The following PUS10 variants were observed in gnomAD, a reference collection of about 807,000 sequenced individuals.
The protein encoded by PUS10 is pseudouridine synthase 10.
In PUS10, 59 loss-of-function variants were observed where a neutral mutation model predicts 75.0. That is an observed-to-expected ratio of 0.79 (90% CI 0.64 to 0.98). The LOEUF (loss-of-function observed/expected upper bound fraction) is 0.98, where lower values mean the gene tolerates loss of function less well. PUS10 is among the 50% of genes least tolerant of loss of function. The pLI is 0.00. For missense variants in PUS10, 650 were observed against 614.4 expected (o/e 1.06, Z -0.61); for synonymous variants, 219 against 211.6 (o/e 1.03, Z -0.30).
intron 4 of PUS10, among the ~76,000 whole-genome samples, chr2:61,000,380 T>C (rs1284127781): frequency 6.6e-6 from 1 of 152,224 alleles, no homozygotes; most frequent in Non-Finnish European, 1.5e-5. Context: ...ATTCATTTTC[T>C]ATTGCTTCTA....
chr2:60,969,035 G>A (rs765148635), intron 5 of PUS10, among the ~76,000 whole-genome samples: 7 of 152,080 alleles, frequency 4.6e-5, no homozygotes, highest in Non-Finnish European at 7.4e-5. Context: ...AAGAATAAAC[G>A]TTGAAACAGA....
chr2:60,995,722 T>C (rs1465120765), intron 4 of PUS10, among the ~76,000 whole-genome samples: 2 of 152,226 alleles, frequency 1.3e-5, no homozygotes, highest in Non-Finnish European at 2.9e-5. Context: ...ATGTGTTTCA[T>C]CTTGTATTTT....
chr2:60,988,028 G>A (rs1384515472), intron 4 of PUS10, among the ~76,000 whole-genome samples: 1 of 152,034 alleles, frequency 6.6e-6, no homozygotes, highest in East Asian at 1.9e-4. Flanking sequence ...GGAGGAGGGT[G>A]CAGTGAGCTG....
At chr2:60,973,195 C>G (rs1023399776) in intron 4 of PUS10, among the ~76,000 whole-genome samples, 1 of 152,220 alleles carries the variant, frequency 6.6e-6, no homozygotes, top group Admixed American at 6.5e-5. Flanking sequence ...AAGGCACAGC[C>G]GGGACTCGTG....
intron 4 of PUS10, among the ~76,000 whole-genome samples, chr2:60,985,053 T>C (rs971149760): frequency 6.6e-5 from 10 of 152,182 alleles, no homozygotes; most frequent in Admixed American, 1.3e-4. Context: ...AAATTAAATG[T>C]AATACTTGTG....
intron 1 of PUS10, among the ~76,000 whole-genome samples, chr2:61,014,444 T>C (rs1048031648): frequency 1.3e-5 from 2 of 152,078 alleles, no homozygotes; most frequent in African/African-American, 4.8e-5. Flanking sequence ...ACAAAATATT[T>C]GAGAGCAACT....
At chr2:61,011,653 A>C in intron 2 of PUS10, 112 bp downstream of exon 2, 4 of 733,476 alleles carry the variant, frequency 5.5e-6, no homozygotes, top group Non-Finnish European at 5.9e-6. Flanking sequence ...TAGTTTTTTA[A>C]TTTAAAAAAG....
intron 4 of PUS10, among the ~76,000 whole-genome samples, chr2:60,975,414 C>G (rs1962449): frequency 0.42 from 64,446 of 151,742 alleles, 15,891 homozygotes; most frequent in African/African-American, 0.67. Context: ...CAAAGTGCTA[C>G]GATTATAGAC....
Position 61,018,253 on chromosome 2 carries a change from T to G in PUS10, c.-261A>C, listed in dbSNP as rs1680148355. 1 of 1,551,042 alleles carries G rather than the reference T, an allele frequency of 6.4e-7. No homozygotes were observed. Among genetic ancestry groups the G allele is most frequent in the Non-Finnish European group, 8.7e-7 (1 of 1,147,014 alleles). On this transcript the variant is annotated 5_prime_UTR_variant, in exon 1 of 18. Transcript: ENST00000316752. The stretch of plus-strand genomic sequence containing the variant: ...CACGGCATCGACAGGGAGCAAAGTC[T>G]CTCCTTAAAGGTGTTAACCTCTCGA...
At chr2:60,976,459 G>C (rs1230748958) in intron 4 of PUS10, among the ~76,000 whole-genome samples, 1 of 152,184 alleles carries the variant, frequency 6.6e-6, no homozygotes, top group African/African-American at 2.4e-5. Context: ...AGCAAACTCT[G>C]TTCTCTACAA....
chr2:60,954,116 T>G lies in PUS10; in HGVS notation c.1100A>C (p.His367Pro). 6.2e-7 allele frequency: 1 copy of G among 1,614,188 alleles called. No homozygotes were observed. Among genetic ancestry groups the G allele is most frequent in the Middle Eastern group, 1.6e-4 (1 of 6,062 alleles). Residue 367 changes from histidine to proline, a missense_variant, in exon 13 of 18, where the codon CAT becomes CCT. His to Pro is a moderately conservative substitution (Grantham distance 77). Coordinates refer to ENST00000316752, the MANE Select transcript of PUS10 (RefSeq NM_144709.4). ...AIELVNPHRV[H>P]FTSQEIKELQ... ...TTCCTTAATTTCTTGTGAAGTGAAATGTACTCTATGAGGATTCACCAGCTC... is the reference window on the plus strand; with the variant it reads ...TTCCTTAATTTCTTGTGAAGTGAAAGGTACTCTATGAGGATTCACCAGCTC...
chr2:60,971,578 C>T, intron 4 of PUS10, 21 bp from the exon 5 acceptor site: 1 of 1,611,318 alleles, frequency 6.2e-7, no homozygotes, highest in Non-Finnish European at 8.5e-7. Context: ...TTTAGTCACA[C>T]CCAGAAAGAG....
At chr2:60,963,246 T>C (rs1158185285) in intron 8 of PUS10, among the ~76,000 whole-genome samples, 5 of 152,206 alleles carry the variant, frequency 3.3e-5, no homozygotes, top group Admixed American at 2.6e-4. Flanking sequence ...TAATTTTTTT[T>C]CCCTTGACTT....
chr2:60,957,873 G>C (rs1573402112), intron 11 of PUS10, among the ~76,000 whole-genome samples: 2 of 152,244 alleles, frequency 1.3e-5, no homozygotes, highest in Non-Finnish European at 2.9e-5. Context: ...TGACTCAGTA[G>C]GTTTGGTGCA....
Position 60,941,789 on chromosome 2 carries a change from T to C in PUS10, c.*606A>G, listed in dbSNP as rs1674639333. ...ACAATTTTAGATTGTCAAAATTCTTTCTTAATGAAAGTATTAATGAGAATT... is the reference window on the plus strand; with the variant it reads ...ACAATTTTAGATTGTCAAAATTCTTCCTTAATGAAAGTATTAATGAGAATT... On this transcript the variant is annotated 3_prime_UTR_variant, in exon 18 of 18. Coordinates refer to ENST00000316752, the MANE Select transcript of PUS10 (RefSeq NM_144709.4). The C allele has an allele frequency of 1.3e-5, 2 of 152,440 alleles. No homozygotes were observed. The highest frequency in any genetic ancestry group is 4.1e-4 in the South Asian group (2 of 4,822). 9.4% of individuals were successfully genotyped at this position (152,440 alleles called of 1,614,324 possible).
intron 5 of PUS10, among the ~76,000 whole-genome samples, chr2:60,970,469 T>G (rs1347738868): frequency 6.6e-6 from 1 of 152,192 alleles, no homozygotes; most frequent in Non-Finnish European, 1.5e-5. Flanking sequence ...TTTACTGGTA[T>G]GTTTTAGTTT....
intron 11 of PUS10, among the ~76,000 whole-genome samples, chr2:60,958,329 T>C (rs1258051885): frequency 6.6e-6 from 1 of 152,172 alleles, no homozygotes; most frequent in African/African-American, 2.4e-5. Flanking sequence ...TGCTAAGATT[T>C]TGGAAAATAT....
At chr2:60,948,590 T>C (rs1675137368) in intron 15 of PUS10, among the ~76,000 whole-genome samples, 1 of 152,046 alleles carries the variant, frequency 6.6e-6, no homozygotes, top group Admixed American at 6.6e-5. Context: ...TTGGTTTTTT[T>C]TTGGTGAAGG....
At position 60,941,484 on chromosome 2, in the gene PUS10, TC is replaced by T. The variant is rs1674624451; in HGVS notation, c.*910del. 3 of 152,288 alleles carry T rather than the reference TC, an allele frequency of 2.0e-5. No homozygotes were observed. The highest frequency in any genetic ancestry group is 7.2e-5 in the African/African-American group (3 of 41,462). The allele number at this position is 152,288 out of a possible 1,614,324, so 9.4% of individuals were successfully genotyped here. Reference sequence around the variant, plus strand: ...ACAATTTTGGATAAGTCATTTAACTTCTAGTCTTTGGTTTCCATATTTATAA... The same window carrying T: ...ACAATTTTGGATAAGTCATTTAACTTTAGTCTTTGGTTTCCATATTTATAA... On this transcript the variant is annotated 3_prime_UTR_variant, in exon 18 of 18. Transcript: ENST00000316752.
Sources: allele counts gnomAD v4.1 joint callset (sites outside exome capture counted in the v4.1 genomes callset), GRCh38; gene constraint gnomAD v4.1.1; transcripts MANE v1.5; gene names NCBI Gene and HGNC (gene_info 2026-07-23, HGNC 2026-07-21).